The following CADM3 variants were observed in gnomAD, a reference collection of about 807,000 sequenced individuals.
The protein encoded by CADM3 is TSLC1-like 1.
Under a neutral mutation model 44.9 loss-of-function variants are expected in CADM3, and 11 were observed. That is an observed-to-expected ratio of 0.25 (90% CI 0.15 to 0.41). The LOEUF is 0.41. Ranked by LOEUF, CADM3 falls within the 10% of genes least tolerant of loss-of-function variation. The pLI is 1.00. For synonymous variants in CADM3, 207 were observed against 205.2 expected (o/e 1.01, Z -0.08); for missense variants, 426 against 512.0 (o/e 0.83, Z 1.62).
At chr1:159,199,509 CAACTT>C (rs1650060489) in intron 7 of CADM3, among the ~76,000 whole-genome samples, 1 of 152,072 alleles carries the variant, frequency 6.6e-6, no homozygotes, top group Non-Finnish European at 1.5e-5. Context: ...GCCAAGAACT[CAACTT>C]AGATGACTAG....
Position 159,189,909 on chromosome 1 carries a change from G to A in CADM3, c.89-2027G>A, listed in dbSNP as rs768364556. 3 of 1,426,818 alleles carry A rather than the reference G, an allele frequency of 2.1e-6. No homozygotes were observed. The East Asian group carries it at 7.3e-5, about 35-fold the overall frequency. 88.4% of individuals were successfully genotyped at this position (1,426,818 alleles called of 1,614,324 possible). ...GGCCCCCTCATCTCAATGTCCCTCA[G>A]TTCCCTCACTCATCCTCACATCCTC... On this transcript the variant is annotated intron_variant, in intron 1 of 8. Coordinates refer to ENST00000368125, the MANE Select transcript of CADM3 (RefSeq NM_001127173.3).
intron 2 of CADM3, 104 bp downstream of exon 2, chr1:159,192,180 T>A (rs1443421043): frequency 5.6e-6 from 7 of 1,259,008 alleles, no homozygotes; most frequent in Non-Finnish European, 7.7e-6. Flanking sequence ...CTGAGAAACA[T>A]GGTGGTCTGC....
intron 1 of CADM3, among the ~76,000 whole-genome samples, chr1:159,177,036 C>T (rs1282429904): frequency 1.3e-5 from 2 of 152,096 alleles, no homozygotes; most frequent in South Asian, 2.1e-4. Context: ...CCCTACCTGA[C>T]GAAAATACAT....
chr1:159,172,335 C>A (rs1048356194), intron 1 of CADM3, among the ~76,000 whole-genome samples: 1 of 152,112 alleles, frequency 6.6e-6, no homozygotes, highest in Non-Finnish European at 1.5e-5. Flanking sequence ...ATCCCCCAAA[C>A]TGCTGTATGC....
chr1:159,195,399 C>G (rs751438864), intron 5 of CADM3: 1 of 152,262 alleles, frequency 6.6e-6, no homozygotes, highest in Non-Finnish European at 1.5e-5. Context: ...CTTTTCCCCC[C>G]GCCCCTTGGT....
intron 1 of CADM3, among the ~76,000 whole-genome samples, chr1:159,185,869 T>G (rs1309046974): frequency 6.6e-6 from 1 of 152,202 alleles, no homozygotes; most frequent in Admixed American, 6.5e-5. Context: ...CAATACTGGA[T>G]GCAAAATGCA....
Position 159,197,014 on chromosome 1 carries a change from C to T in CADM3, c.906C>T (p.Thr302=), listed in dbSNP as rs1313072290. 1.5e-5 allele frequency: 24 copies of T among 1,614,138 alleles called. No individual in the cohort carries two copies. The highest frequency in any genetic ancestry group is 2.0e-5 in the Non-Finnish European group (24 of 1,179,998). ...SDSGTYGCTA[T]SNMGSYKAYY... ...GTGGCACCTACGGCTGCACAGCCAC[C>T]AGCAACATGGGCAGCTACAAGGCCT... is the stretch of plus-strand genomic sequence containing the variant. The change falls in exon 7 of 9, where the codon ACC becomes ACT. Residue 302 remains threonine, a synonymous_variant. Transcript: ENST00000368125.
At chr1:159,181,308 T>C (rs1649223679) in intron 1 of CADM3, among the ~76,000 whole-genome samples, 1 of 152,264 alleles carries the variant, frequency 6.6e-6, no homozygotes, top group Non-Finnish European at 1.5e-5. Context: ...GCCTCCTGAC[T>C]GTATTGCATT....
Position 159,196,974 on chromosome 1 carries a change from T to C in CADM3, c.866T>C (p.Leu289Pro). Residue 289 changes from leucine to proline, a missense_variant, in exon 7 of 9, where the codon CTC (leucine) becomes CCC (proline). Physicochemically the swap from Leu to Pro is moderately conservative, Grantham distance 98. Around this residue, in one of 2 missense-constraint regions of CADM3, gnomAD observed 362 missense variants for 474.6 expected, o/e 0.76. Transcript: ENST00000368125. ...GAGAGTGCCCTGATCTTCCCTTTCC[T>C]CAACAAGAGTGACAGTGGCACCTAC... ...TQESALIFPF[L>P]NKSDSGTYGC... 1 of 1,614,034 alleles carries C rather than the reference T, an allele frequency of 6.2e-7. No homozygotes were observed. The highest frequency in any genetic ancestry group is 8.5e-7 in the Non-Finnish European group (1 of 1,180,010).
chr1:159,184,038 T>C (rs757333071), intron 1 of CADM3, among the ~76,000 whole-genome samples: 1 of 152,192 alleles, frequency 6.6e-6, no homozygotes, highest in Non-Finnish European at 1.5e-5. Flanking sequence ...AGAATTCAGA[T>C]AGAAGTGGTC....
intron 1 of CADM3, among the ~76,000 whole-genome samples, chr1:159,174,963 A>G (rs1269578587): frequency 6.6e-6 from 1 of 152,196 alleles, no homozygotes; most frequent in East Asian, 1.9e-4. Flanking sequence ...AGGTTATAGC[A>G]ATTTAACCTT....
At position 159,191,922 on chromosome 1, in the gene CADM3, T is replaced by C; in HGVS notation, c.89-14T>C. 1.2e-6 allele frequency: 2 copies of C among 1,613,902 alleles called. No homozygotes were observed. Among genetic ancestry groups the C allele is most frequent in the Non-Finnish European group, 1.7e-6 (2 of 1,179,970 alleles). On this transcript the variant is annotated splice_polypyrimidine_tract_variant and intron_variant, in intron 1 of 8. Coordinates refer to ENST00000368125, the MANE Select transcript of CADM3 (RefSeq NM_001127173.3). ...AGGGGTCCTCAGGAAACTAACACTC[T>C]TCTACTCCTGCAGACAGCCAGCCCT... is the stretch of plus-strand genomic sequence containing the variant.
chr1:159,194,435 T>C (rs1350110962), intron 5 of CADM3: 2 of 159,950 alleles, frequency 1.3e-5, no homozygotes, highest in Admixed American at 1.2e-4. Context: ...TGCAAACTGT[T>C]GTCGTAACTG....
intron 1 of CADM3, 72 bp downstream of exon 1, chr1:159,171,925 C>A (rs1327960240): frequency 4.9e-6 from 5 of 1,027,316 alleles, no homozygotes; most frequent in African/African-American, 3.3e-5. Flanking sequence ...TCGGGAGTCT[C>A]GCGGAAGGAG....
At chr1:159,199,726 C>T in intron 7 of CADM3, 25 bp from the exon 8 acceptor site, 1 of 1,614,118 alleles carries the variant, frequency 6.2e-7, no homozygotes, top group Non-Finnish European at 8.5e-7. Context: ...CCAGATCTGA[C>T]TGTGTGTGTT....
At chr1:159,194,168 ACTGCCAGGACTAGGCCAG>A (rs1235710482) in intron 5 of CADM3, 128 bp downstream of exon 5, 1 of 1,011,534 alleles carries the variant, frequency 9.9e-7, no homozygotes, top group African/African-American at 1.6e-5. Flanking sequence ...TGAAACAAAG[ACTGCCAGGACTAGGCCAG>A]GGTTGGCAAA....
intron 5 of CADM3, 196 bp from the exon 6 acceptor site, chr1:159,196,168 G>T (rs934723071): frequency 1.8e-5 from 10 of 556,248 alleles, no homozygotes; most frequent in Non-Finnish European, 3.2e-5. Flanking sequence ...TATCACACAA[G>T]GTTGCAAGAG....
At position 159,202,374 on chromosome 1, in the gene CADM3, A is replaced by G. The variant is rs1650258064; in HGVS notation, c.*1452A>G. The G allele has an allele frequency of 6.5e-6, 1 of 152,962 alleles. No homozygotes were observed. Among genetic ancestry groups the G allele is most frequent in the South Asian group, 2.1e-4 (1 of 4,832 alleles). 9.5% of individuals were successfully genotyped at this position (152,962 alleles called of 1,614,324 possible). On this transcript the variant is annotated 3_prime_UTR_variant, in exon 9 of 9. Transcript: ENST00000368125. Reference sequence around the variant, plus strand: ...TCTATCTCTCCCTTAAACACAGAGCATTCAGCCCTTCCCTGGATTTCCCTC... The same window carrying G: ...TCTATCTCTCCCTTAAACACAGAGCGTTCAGCCCTTCCCTGGATTTCCCTC...
intron 5 of CADM3, 37 bp downstream of exon 5, chr1:159,194,077 A>G: frequency 1.9e-6 from 3 of 1,593,832 alleles, no homozygotes; most frequent in Non-Finnish European, 2.6e-6. Flanking sequence ...AGGATGAGGT[A>G]TGAGATGAGG....
Sources: allele counts gnomAD v4.1 joint callset (sites outside exome capture counted in the v4.1 genomes callset), GRCh38; gene constraint gnomAD v4.1.1; regional missense constraint gnomAD v4.1.1; transcripts MANE v1.5; gene names NCBI Gene and HGNC (gene_info 2026-07-23, HGNC 2026-07-21).